The following LGSN variants were observed in gnomAD, a reference collection of about 807,000 sequenced individuals.
The protein encoded by LGSN is lengsin, lens protein with glutamine synthetase domain, also known as lengsin.
Under a neutral mutation model 19.5 loss-of-function variants are expected in LGSN, and 21 were observed. The observed-to-expected ratio is 1.07, with a 90% CI of 0.76 to 1.55. The LOEUF is 1.55. Ranked by LOEUF, LGSN falls within the 40% of genes most tolerant of loss-of-function variation. The pLI, the probability that LGSN is intolerant of heterozygous loss-of-function variation, is 0.00. For synonymous variants in LGSN, 257 were observed against 215.6 expected (o/e 1.19, Z -1.68); for missense variants, 673 against 608.5 (o/e 1.11, Z -1.12).
the LGSN span, among the ~76,000 whole-genome samples, chr6:63,382,270 T>C: frequency 7.9e-5 from 12 of 152,360 alleles, no homozygotes; most frequent in African/African-American, 2.9e-4. Context: ...ATAATATTTA[T>C]TTTAACAGTG....
chr6:63,440,830 T>C, the LGSN span: 1 of 173,748 alleles, frequency 5.8e-6, no homozygotes, highest in South Asian at 1.4e-4. Flanking sequence ...AAACAGGACC[T>C]GAGCCTCAGC....
the LGSN span, among the ~76,000 whole-genome samples, chr6:63,412,674 GAAGA>G: frequency 1.6e-3 from 180 of 113,892 alleles, 3 homozygotes; most frequent in South Asian, 0.023. Context: ...GGAAGGAAAG[GAAGA>G]AAGAAAGAAA....
the LGSN span, among the ~76,000 whole-genome samples, chr6:63,524,804 T>A: frequency 6.6e-6 from 1 of 152,262 alleles, no homozygotes; most frequent in African/African-American, 2.4e-5. Context: ...TCTATTTTAA[T>A]CATTTCCTTT....
chr6:63,548,412 A>T, the LGSN span, among the ~76,000 whole-genome samples: 16 of 152,078 alleles, frequency 1.1e-4, no homozygotes, highest in Non-Finnish European at 2.2e-4. Flanking sequence ...AGCACTTTAA[A>T]CTGTTTGCTA....
intron 2 of LGSN, among the ~76,000 whole-genome samples, chr6:63,290,243 G>T (rs1305584211): frequency 6.6e-6 from 1 of 152,104 alleles, no homozygotes; most frequent in Admixed American, 6.5e-5. Flanking sequence ...AGCCAAAAAG[G>T]GAGCTTCTGA....
At chr6:63,479,219 T>G in the LGSN span, among the ~76,000 whole-genome samples, 2 of 152,132 alleles carry the variant, frequency 1.3e-5, no homozygotes, top group African/African-American at 4.8e-5. Flanking sequence ...TCAACTGCTT[T>G]CAAAGCGTAT....
chr6:63,557,058 T>A, the LGSN span, among the ~76,000 whole-genome samples: 2 of 152,212 alleles, frequency 1.3e-5, no homozygotes, highest in African/African-American at 4.8e-5. Context: ...TAAATACTTA[T>A]TATGTGCCAA....
the LGSN span, among the ~76,000 whole-genome samples, chr6:63,542,516 A>G: frequency 6.6e-6 from 1 of 152,118 alleles, no homozygotes; most frequent in African/African-American, 2.4e-5. Context: ...ACTTTTCAAG[A>G]GTCCAACCTC....
the LGSN span, among the ~76,000 whole-genome samples, chr6:63,343,531 C>A: frequency 6.6e-6 from 1 of 152,140 alleles, no homozygotes; most frequent in Non-Finnish European, 1.5e-5. Context: ...CTAGGCCTGG[C>A]AGATGACAAT....
chr6:63,488,022 A>G, the LGSN span, among the ~76,000 whole-genome samples: 1 of 152,076 alleles, frequency 6.6e-6, no homozygotes, highest in Non-Finnish European at 1.5e-5. Flanking sequence ...ATTTAATTTT[A>G]TAAACTCTTA....
the LGSN span, among the ~76,000 whole-genome samples, chr6:63,369,908 A>G: frequency 1.3e-5 from 2 of 152,118 alleles, no homozygotes; most frequent in African/African-American, 4.8e-5. Context: ...AGGCTAAGGC[A>G]TGAGAATTGC....
In LGSN at chr6:63,291,212, G is replaced by A. The variant is rs189989626; in HGVS notation, c.163+3701C>T. Among the ~76,000 whole-genome samples the A allele has an allele frequency of 2.6e-3, 393 of 152,322 alleles. 2 individuals are homozygous for A. The highest frequency in any genetic ancestry group is 9.3e-3 in the African/African-American group (385 of 41,576). ...CGGCCCTACAGCAGTGTTTAGGGGT[G>A]TTACCATGCTCTTTTAGTTTTGCCA... On this transcript the variant is annotated intron_variant, in intron 2 of 3. Transcript: ENST00000370657.
chr6:63,453,313 C>A, the LGSN span, among the ~76,000 whole-genome samples: 1 of 151,906 alleles, frequency 6.6e-6, no homozygotes, highest in Non-Finnish European at 1.5e-5. Context: ...TGTTGGTTGT[C>A]TTCTATGTCC....
the LGSN span, among the ~76,000 whole-genome samples, chr6:63,362,218 T>C: frequency 6.6e-6 from 1 of 152,208 alleles, no homozygotes; most frequent in Non-Finnish European, 1.5e-5. Context: ...CAATTAAAAG[T>C]TAATACAGAA....
the LGSN span, among the ~76,000 whole-genome samples, chr6:63,539,497 G>A: frequency 1.3e-5 from 2 of 152,136 alleles, no homozygotes; most frequent in Admixed American, 1.3e-4. Context: ...GCAAAGGATG[G>A]CCAGGTGTGT....
At chr6:63,384,170 C>T in the LGSN span, among the ~76,000 whole-genome samples, 1 of 152,144 alleles carries the variant, frequency 6.6e-6, no homozygotes. Flanking sequence ...TTTTTCCATG[C>T]TTGAAGGGCC....
chr6:63,442,667 A>G, the LGSN span, among the ~76,000 whole-genome samples: 33 of 152,010 alleles, frequency 2.2e-4, no homozygotes, highest in African/African-American at 7.7e-4. Context: ...TGATTGCTGC[A>G]TTTACAAACC....
the LGSN span, among the ~76,000 whole-genome samples, chr6:63,345,644 C>T: frequency 3.9e-5 from 6 of 152,148 alleles, no homozygotes; most frequent in African/African-American, 1.4e-4. Context: ...AGCAGGAAAG[C>T]CCTGTTAGGT....
chr6:63,333,292 A>G, the LGSN span, among the ~76,000 whole-genome samples: 1 of 151,994 alleles, frequency 6.6e-6, no homozygotes, highest in South Asian at 2.1e-4. Context: ...GACTGGATGG[A>G]TTAACTGCTG....
Sources: allele counts gnomAD v4.1 joint callset (sites outside exome capture counted in the v4.1 genomes callset), GRCh38; gene constraint gnomAD v4.1.1; transcripts MANE v1.5; gene names NCBI Gene and HGNC (gene_info 2026-07-23, HGNC 2026-07-21).